Variants in ITFG1 observed in about 807,000 individuals in gnomAD.
The protein encoded by ITFG1 is T-cell immunomodulatory protein.
In ITFG1, 34 loss-of-function variants were observed where a neutral mutation model predicts 81.8. The ratio of observed to expected loss-of-function variants is 0.42; its 90% CI spans 0.32 to 0.55. The LOEUF is 0.55. ITFG1 is among the 20% of genes least tolerant of loss of function. The probability of loss-of-function intolerance (pLI) is 0.17; values close to 1 mark genes in which losing one functional copy is unlikely to be tolerated. For missense variants in ITFG1, 672 were observed against 755.4 expected (o/e 0.89, Z 1.29); for synonymous variants, 285 against 270.6 (o/e 1.05, Z -0.52).
intron 8 of ITFG1, among the ~76,000 whole-genome samples, chr16:47,347,795 A>T (rs1212567285): frequency 6.6e-6 from 1 of 152,226 alleles, no homozygotes; most frequent in Non-Finnish European, 1.5e-5. Flanking sequence ...GGCACCCCCA[A>T]GTAGGGGCAG....
intron 10 of ITFG1, among the ~76,000 whole-genome samples, chr16:47,288,882 C>T (rs552865626): frequency 2.2e-4 from 33 of 152,206 alleles, no homozygotes; most frequent in African/African-American, 5.8e-4. Flanking sequence ...GGTAACAGTG[C>T]GAGACTCTTA....
chr16:47,340,050 T>C (rs1413454295), intron 8 of ITFG1, among the ~76,000 whole-genome samples: 2 of 152,160 alleles, frequency 1.3e-5, no homozygotes, highest in African/African-American at 4.8e-5. Flanking sequence ...GGCAGTGGGA[T>C]GATGTATTTA....
At chr16:47,423,953 T>C (rs139932203) in intron 6 of ITFG1, among the ~76,000 whole-genome samples, 3,380 of 152,270 alleles carry the variant, frequency 0.022, 115 homozygotes, top group African/African-American at 0.076. Flanking sequence ...TCTCTGTATT[T>C]CTTGAATTTG....
intron 3 of ITFG1, among the ~76,000 whole-genome samples, chr16:47,453,537 C>G (rs2151619222): frequency 6.6e-6 from 1 of 152,326 alleles, no homozygotes; most frequent in Non-Finnish European, 1.5e-5. Context: ...AAGGCTGTTT[C>G]TCTGCTATTT....
At chr16:47,423,694 C>A (rs562101622) in intron 6 of ITFG1, among the ~76,000 whole-genome samples, 2 of 152,280 alleles carry the variant, frequency 1.3e-5, no homozygotes, top group African/African-American at 4.8e-5. Flanking sequence ...ACTTATGAAG[C>A]TTAGTTTGGC....
chr16:47,372,457 T>C (rs542852721), intron 7 of ITFG1, among the ~76,000 whole-genome samples: 29 of 146,542 alleles, frequency 2.0e-4, no homozygotes, highest in South Asian at 1.7e-3. Flanking sequence ...ATTTCTCTCT[T>C]TTTTTTTTTT....
chr16:47,442,733 C>A (rs918468830), intron 5 of ITFG1, among the ~76,000 whole-genome samples: 9 of 152,252 alleles, frequency 5.9e-5, no homozygotes, highest in Admixed American at 5.9e-4. Context: ...TTCCTTACAC[C>A]TTATACAAAA....
chr16:47,314,125 G>C (rs1403521665), intron 8 of ITFG1, among the ~76,000 whole-genome samples: 1 of 152,118 alleles, frequency 6.6e-6, no homozygotes, highest in East Asian at 1.9e-4. Context: ...GATGGGATCA[G>C]TCATACCCCA....
At chr16:47,322,473 G>C (rs1305948316) in intron 8 of ITFG1, among the ~76,000 whole-genome samples, 2 of 152,188 alleles carry the variant, frequency 1.3e-5, no homozygotes, top group Non-Finnish European at 2.9e-5. Flanking sequence ...TGGATCACCT[G>C]AGGTCAGGAG....
At chr16:47,377,113 T>C (rs1233770704) in intron 6 of ITFG1, among the ~76,000 whole-genome samples, 1 of 152,024 alleles carries the variant, frequency 6.6e-6, no homozygotes, top group Non-Finnish European at 1.5e-5. Context: ...GGGTGTCATA[T>C]GAATTTGATG....
Position 47,460,570 on chromosome 16 carries a change from G to A in ITFG1, c.208+268C>T, listed in dbSNP as rs556354489. 2.5e-3 allele frequency among the ~76,000 whole-genome samples: 386 copies of A among 152,302 alleles called. 3 individuals carry two copies. The highest frequency in any genetic ancestry group is 3.2e-3 in the Non-Finnish European group (219 of 68,024). On this transcript the variant is annotated intron_variant, in intron 1 of 17. Transcript: ENST00000320640. ...GGGGAGGAGGGGGTAAGGTGACTGG[G>A]TGAGGGCCGCAGACTTCTTAGGAAC...
chr16:47,411,313 C>A (rs1164740498), intron 6 of ITFG1, among the ~76,000 whole-genome samples: 1 of 152,132 alleles, frequency 6.6e-6, no homozygotes. Context: ...CTGAAGTAGT[C>A]CTACAACCAC....
chr16:47,244,529 G>C (rs1168050211), intron 12 of ITFG1, among the ~76,000 whole-genome samples: 1 of 151,840 alleles, frequency 6.6e-6, no homozygotes, highest in Non-Finnish European at 1.5e-5. Context: ...GAGAGTAGAC[G>C]AAACAAAGTT....
Position 47,260,653 on chromosome 16 carries a change from A to G in ITFG1, c.1113T>C (p.Asn371=), listed in dbSNP as rs1295052385. The G allele has an allele frequency of 2.5e-6, 4 of 1,614,072 alleles. No individual in the cohort carries two copies. Among genetic ancestry groups the G allele is most frequent in the Non-Finnish European group, 3.4e-6 (4 of 1,180,042 alleles). The change falls in exon 11 of 18, where the codon AAT becomes AAC. Residue 371 remains asparagine, a synonymous_variant. Coordinates refer to ENST00000320640, the MANE Select transcript of ITFG1 (RefSeq NM_030790.5). ...AFLLENVPCN[N]ASCEEARRMF... ...TTCGACGCGCCTCTTCACAGCTTGC[A>G]TTATTACAAGGGACGTTCTCCAGTA...
intron 14 of ITFG1, among the ~76,000 whole-genome samples, chr16:47,186,903 T>G (rs1456462196): frequency 1.3e-5 from 2 of 152,212 alleles, no homozygotes; most frequent in Non-Finnish European, 2.9e-5. Flanking sequence ...GATAAGCAAC[T>G]TCAGCAAAGT....
intron 13 of ITFG1, among the ~76,000 whole-genome samples, chr16:47,232,038 C>A (rs1965821601): frequency 6.6e-6 from 1 of 152,150 alleles, no homozygotes; most frequent in Non-Finnish European, 1.5e-5. Flanking sequence ...GGCCATGAGC[C>A]AAGGAAGATA....
At chr16:47,194,448 A>G (rs1965331318) in intron 14 of ITFG1, among the ~76,000 whole-genome samples, 3 of 152,222 alleles carry the variant, frequency 2.0e-5, no homozygotes, top group African/African-American at 4.8e-5. Flanking sequence ...GTCTTGTAGA[A>G]TATGGAATCC....
At position 47,229,002 on chromosome 16, in the gene ITFG1, C is replaced by T. The variant is rs1275618465; in HGVS notation, c.1374+8963G>A. The stretch of plus-strand genomic sequence containing the variant: ...GATGTGATGGTAAACTTATCAATGA[C>T]GGCCCATTAAAAAGCAAACCAAATT... On this transcript the variant is annotated intron_variant, in intron 13 of 17. Coordinates refer to ENST00000320640, the MANE Select transcript of ITFG1 (RefSeq NM_030790.5). Among the ~76,000 whole-genome samples, 5 of 152,128 alleles carry T rather than the reference C, an allele frequency of 3.3e-5. No homozygotes were observed. In the South Asian group the frequency reaches 6.2e-4, roughly 19 times the overall value.
At chr16:47,452,827 C>A (rs1969406421) in intron 3 of ITFG1, 37 bp from the exon 4 acceptor site, 13 of 1,084,540 alleles carry the variant, frequency 1.2e-5, no homozygotes, top group Non-Finnish European at 1.7e-5. Context: ...AATTAGCAGG[C>A]ATTTTATATT....
Sources: gnomAD v4.1 joint callset for allele counts (sites outside exome capture counted in the v4.1 genomes callset) on GRCh38, gnomAD v4.1.1 for gene constraint, MANE v1.5 for transcripts, NCBI Gene and HGNC (gene_info 2026-07-23, HGNC 2026-07-21) for gene names.